TRMT1L: variants seen among roughly 807,000 people sequenced by gnomAD.
TRMT1L encodes tRNA (guanine(27)-N(2))-dimethyltransferase.
A neutral mutation model predicts 81.6 loss-of-function variants in TRMT1L; 28 were observed. The ratio of observed to expected loss-of-function variants is 0.34; its 90% CI spans 0.25 to 0.47. TRMT1L has a LOEUF of 0.47. TRMT1L is among the 20% of genes least tolerant of loss of function. The pLI is 1.00. For missense variants in TRMT1L, 739 were observed against 877.1 expected, an observed-to-expected ratio of 0.84 and a Z score of 1.99; for synonymous variants, 301 against 303.2, an observed-to-expected ratio of 0.99 and a Z score of 0.07.
chr1:185,125,128 T>C lies in TRMT1L; in HGVS notation c.1593-18A>G. 1.9e-6 allele frequency: 3 copies of C among 1,579,776 alleles called. No individual in the cohort carries two copies. Among genetic ancestry groups the C allele is most frequent in the Non-Finnish European group, 1.7e-6 (2 of 1,164,622 alleles). On this transcript the variant is annotated intron_variant, in intron 11 of 14. Coordinates refer to ENST00000367506, the MANE Select transcript of TRMT1L (RefSeq NM_030934.5). ...AACTTGACCTGAAAAGAAAAGAATA[T>C]ACAGAGAACTGGGTTTGAAAAATGT...
intron 10 of TRMT1L, among the ~76,000 whole-genome samples, chr1:185,133,415 C>A (rs936795945): frequency 2.0e-5 from 3 of 151,930 alleles, no homozygotes; most frequent in Admixed American, 2.0e-4. Context: ...AGCAATAATC[C>A]CTGCCTCTTG....
chr1:185,156,346 C>T (rs1404134256), intron 1 of TRMT1L, 132 bp downstream of exon 1: 1 of 1,599,742 alleles, frequency 6.3e-7, no homozygotes. Context: ...ACGGGCCCCT[C>T]TTTCCTCCCC....
At chr1:185,133,596 C>CT (rs780906966) in intron 10 of TRMT1L, among the ~76,000 whole-genome samples, 1,546 of 137,896 alleles carry the variant, frequency 0.011, 10 homozygotes, top group African/African-American at 0.019. Flanking sequence ...TTCTGACTTG[C>CT]TTTTTTTTTT....
Position 185,156,485 on chromosome 1 carries a change from A to G in TRMT1L, c.228T>C (p.Ala76=). The change falls in exon 1 of 15, where the codon GCT becomes GCC. Residue 76 remains alanine (A), a synonymous_variant. Coordinates refer to ENST00000367506, the MANE Select transcript of TRMT1L (RefSeq NM_030934.5). ...TGGGCCTTCTGCACTTACTGCTTTT[A>G]GCCTCCTCAGGGGCAGAGGCTAGGG... ...SPSLASAPEE[A]KSKRHISIQR... 1 of 1,613,922 alleles carries G rather than the reference A, an allele frequency of 6.2e-7. No individual in the cohort carries two copies. Among genetic ancestry groups the G allele is most frequent in the South Asian group, 1.1e-5 (1 of 91,090 alleles).
intron 11 of TRMT1L, among the ~76,000 whole-genome samples, chr1:185,128,071 G>A (rs1012957501): frequency 7.2e-5 from 11 of 152,010 alleles, no homozygotes; most frequent in South Asian, 6.2e-4. Context: ...CCGATATTGC[G>A]CCACTGCACT....
At chr1:185,152,797 T>C (rs935806120) in intron 1 of TRMT1L, among the ~76,000 whole-genome samples, 4 of 152,216 alleles carry the variant, frequency 2.6e-5, no homozygotes, top group South Asian at 2.1e-4. Flanking sequence ...GAAACTCTTA[T>C]GGCAGAAAGG....
At chr1:185,154,207 T>TAA (rs1489523991) in intron 1 of TRMT1L, among the ~76,000 whole-genome samples, 1 of 152,210 alleles carries the variant, frequency 6.6e-6, no homozygotes, top group African/African-American at 2.4e-5. Flanking sequence ...TATTATTATT[T>TAA]AAAGATGGGT....
intron 7 of TRMT1L, among the ~76,000 whole-genome samples, chr1:185,141,643 G>A (rs1425458811): frequency 6.6e-6 from 1 of 152,164 alleles, no homozygotes; most frequent in Non-Finnish European, 1.5e-5. Flanking sequence ...GGCGGAGGTT[G>A]CAGCAAGCTG....
Position 185,147,230 on chromosome 1 carries a change from G to T in TRMT1L, c.477C>A (p.Ile159=), listed in dbSNP as rs1179881623. 1 of 1,608,392 alleles carries T rather than the reference G, an allele frequency of 6.2e-7. No homozygotes were observed. The highest frequency in any genetic ancestry group is 2.2e-5 in the East Asian group (1 of 44,674). The part of the protein sequence containing the change: ...SVEFEGYRMC[I]CHLPCRPVKP... ...TCACTGGTCGACAAGGTAAGTGACA[G>T]ATGCACATCCTGTAACCTAAAATAA... is the stretch of plus-strand genomic sequence containing the variant. The change falls in exon 4 of 15, where the codon ATC becomes ATA. Residue 159 remains isoleucine, a synonymous_variant. Transcript: ENST00000367506.
At chr1:185,122,900 GTC>G (rs1167181328) in intron 13 of TRMT1L, among the ~76,000 whole-genome samples, 4 of 151,956 alleles carry the variant, frequency 2.6e-5, no homozygotes, top group Non-Finnish European at 5.9e-5. Flanking sequence ...GGCCAGGCTG[GTC>G]TTGAACTCCT....
intron 7 of TRMT1L, 120 bp downstream of exon 7, chr1:185,143,237 T>A (rs754911921): frequency 7.7e-5 from 63 of 813,136 alleles, no homozygotes; most frequent in Non-Finnish European, 1.0e-4. Context: ...CAATAAAAAA[T>A]TAAAAATTTT....
chr1:185,135,058 C>T (rs1240185776), intron 10 of TRMT1L, among the ~76,000 whole-genome samples: 1 of 152,112 alleles, frequency 6.6e-6, no homozygotes, highest in Non-Finnish European at 1.5e-5. Flanking sequence ...AAGTATATTA[C>T]TTAAAACTGA....
intron 2 of TRMT1L, 31 bp downstream of exon 2, chr1:185,151,794 A>AG (rs750700466): frequency 2.0e-4 from 272 of 1,341,686 alleles, no homozygotes; most frequent in Non-Finnish European, 2.7e-4. Context: ...TTAGAAACTA[A>AG]GAAAAAAAAA....
chr1:185,148,519 A>G (rs758260223), intron 3 of TRMT1L, among the ~76,000 whole-genome samples: 1 of 152,186 alleles, frequency 6.6e-6, no homozygotes, highest in Non-Finnish European at 1.5e-5. Flanking sequence ...AAAAACTATC[A>G]TATCTTCACC....
chr1:185,124,822 T>C, intron 12 of TRMT1L, 122 bp downstream of exon 12: 1 of 951,674 alleles, frequency 1.1e-6, no homozygotes. Context: ...TTAGAGAAGA[T>C]TTACTAAAAA....
rs1653102295 is a variant in TRMT1L, at chr1:185,143,411, C to T, written c.805G>A (p.Ala269Thr). The T allele has an allele frequency of 6.2e-7, 1 of 1,611,422 alleles. No individual in the cohort carries two copies. Among genetic ancestry groups the T allele is most frequent in the Non-Finnish European group, 8.5e-7 (1 of 1,178,542 alleles). Reference sequence around the variant, plus strand: ...AAAGGTTTTCGTTCCTCAGCCAAAGCAGCCAATGTACAGAATATTAGCTGC... The same window carrying T: ...AAAGGTTTTCGTTCCTCAGCCAAAGTAGCCAATGTACAGAATATTAGCTGC... ...NRQLIFCTLA[A>T]LAEERKPLEC... The change falls in exon 7 of 15, where the codon GCT becomes ACT. Residue 269 changes from alanine (A) to threonine (T), a missense_variant. By Grantham distance (58) the Ala-to-Thr change is moderately conservative. This residue lies in a region of TRMT1L where 331 missense variants were observed against 462.2 expected (regional missense o/e 0.72). Transcript: ENST00000367506.
In TRMT1L at chr1:185,124,930, G is replaced by C. The variant is rs754234562; in HGVS notation, c.1759+14C>G. The stretch of plus-strand genomic sequence containing the variant: ...AGCAGTTTAAAGCTAGTAAGCTAGC[G>C]TTCAGTTAGTCACCTTGCTTGTTGA... On this transcript the variant is annotated intron_variant, in intron 12 of 14. Coordinates refer to ENST00000367506, the MANE Select transcript of TRMT1L (RefSeq NM_030934.5). The C allele has an allele frequency of 6.2e-7, 1 of 1,601,284 alleles. No individual in the cohort carries two copies. The highest frequency in any genetic ancestry group is 8.5e-7 in the Non-Finnish European group (1 of 1,172,966).
rs1652994071 is a variant in TRMT1L, at chr1:185,139,981, A to G, written c.1101T>C (p.Phe367=). 2 of 1,607,970 alleles carry G rather than the reference A, an allele frequency of 1.2e-6. No homozygotes were observed. Among genetic ancestry groups the G allele is most frequent in the South Asian group, 1.1e-5 (1 of 89,884 alleles). ...AAGTCTTTTCTACTTACATGAAATC[A>G]AAAGATCTCAAATGCATCAGTACAT... The part of the protein sequence containing the change: ...DANVLMHLRS[F]DFIHLDPFGT... The change falls in exon 8 of 15, where the codon TTT becomes TTC. Residue 367 remains phenylalanine (F), a synonymous_variant. Coordinates refer to ENST00000367506, the MANE Select transcript of TRMT1L (RefSeq NM_030934.5).
At chr1:185,134,588 A>G (rs1652852312) in intron 10 of TRMT1L, among the ~76,000 whole-genome samples, 1 of 152,262 alleles carries the variant, frequency 6.6e-6, no homozygotes, top group South Asian at 2.1e-4. Context: ...TATGATTCCA[A>G]ATAAAATGCA....
Sources: gnomAD v4.1 joint callset for allele counts (sites outside exome capture counted in the v4.1 genomes callset) on GRCh38, gnomAD v4.1.1 for gene constraint, gnomAD v4.1.1 regional missense constraint, MANE v1.5 for transcripts, NCBI Gene and HGNC (gene_info 2026-07-23, HGNC 2026-07-21) for gene names.